Variants in SLC2A13 observed in about 807,000 individuals in gnomAD.
SLC2A13 encodes the protein solute carrier family 2 member 13, also known as proton myo-inositol cotransporter.
SLC2A13 carries 32 observed loss-of-function variants against 64.4 expected under a neutral mutation model. That is an observed-to-expected ratio of 0.50 (90% confidence interval 0.37 to 0.67). SLC2A13 has a LOEUF of 0.67. Among genes scored for constraint, SLC2A13 ranks in the 30% least tolerant of loss-of-function variants. SLC2A13 has a pLI of 0.00. For synonymous variants in SLC2A13, 338 were observed against 327.1 expected (o/e 1.03, Z -0.36); for missense variants, 743 against 829.2 (o/e 0.90, Z 1.28).
At chr12:39,951,622 T>C (rs1262518997) in intron 3 of SLC2A13, among the ~76,000 whole-genome samples, 1 of 152,224 alleles carries the variant, frequency 6.6e-6, no homozygotes, top group Non-Finnish European at 1.5e-5. Context: ...TTATGGGTAC[T>C]AGAAGACCTA....
intron 1 of SLC2A13, among the ~76,000 whole-genome samples, chr12:40,104,903 A>G (rs1309777783): frequency 1.3e-5 from 2 of 152,234 alleles, no homozygotes; most frequent in African/African-American, 2.4e-5. Flanking sequence ...AAGCTCAAGA[A>G]GCAGCATCAG....
In SLC2A13 at chr12:39,981,208, C is replaced by T. The variant is rs1409244169; in HGVS notation, c.926-29843G>A. Reference sequence around the variant, plus strand: ...AGGGAAATTTATAGCACTAAATGCCCACAAGAGAAAGCAGGAAAGATCCAA... The same window carrying T: ...AGGGAAATTTATAGCACTAAATGCCTACAAGAGAAAGCAGGAAAGATCCAA... On this transcript the variant is annotated intron_variant, in intron 3 of 9. Transcript: ENST00000280871. Among the ~76,000 whole-genome samples, 14 of 148,946 alleles carry T rather than the reference C, an allele frequency of 9.4e-5. No individual in the cohort carries two copies. The East Asian group carries it at 2.6e-3, about 27-fold the overall frequency.
intron 4 of SLC2A13, chr12:39,950,832 C>T: frequency 5.8e-6 from 1 of 171,880 alleles, no homozygotes; most frequent in Admixed American, 6.3e-5. Context: ...CTACTAATGT[C>T]CTTATCACAT....
At chr12:40,055,941 T>C (rs753539361) in intron 1 of SLC2A13, among the ~76,000 whole-genome samples, 86 of 151,232 alleles carry the variant, frequency 5.7e-4, no homozygotes, top group Middle Eastern at 3.4e-3. Flanking sequence ...ATTAAGCTGC[T>C]TGCATAACAA....
At chr12:40,022,594 T>G (rs1479341966) in intron 3 of SLC2A13, among the ~76,000 whole-genome samples, 1 of 152,228 alleles carries the variant, frequency 6.6e-6, no homozygotes, top group Non-Finnish European at 1.5e-5. Context: ...CTTAGCACTT[T>G]GGGAGGCCAA....
chr12:39,955,884 G>T (rs1012792820), intron 3 of SLC2A13, among the ~76,000 whole-genome samples: 1 of 152,146 alleles, frequency 6.6e-6, no homozygotes, highest in Non-Finnish European at 1.5e-5. Flanking sequence ...TCTGGAGGGG[G>T]TGTGGGACAG....
Position 39,759,773 on chromosome 12 carries a change from G to T in SLC2A13, c.*253C>A, listed in dbSNP as rs1260867814. Reference sequence around the variant, plus strand: ...CAATATTCATTTTAGACTATTTCAGGAAGGCATTACACACATTTGCTTAAG... The same window carrying T: ...CAATATTCATTTTAGACTATTTCAGTAAGGCATTACACACATTTGCTTAAG... On this transcript the variant is annotated 3_prime_UTR_variant, in exon 10 of 10. Transcript: ENST00000280871. 18 of 419,828 alleles carry T rather than the reference G, an allele frequency of 4.3e-5. No individual in the cohort carries two copies. The highest frequency in any genetic ancestry group is 6.8e-5 in the Non-Finnish European group (16 of 234,754). 26.0% of individuals were successfully genotyped at this position (419,828 alleles called of 1,614,324 possible). A position where few individuals can be genotyped will look rare whatever the true frequency, so the allele number is the denominator to read the frequency against.
intron 3 of SLC2A13, among the ~76,000 whole-genome samples, chr12:40,024,401 A>C (rs1436322816): frequency 6.6e-6 from 1 of 152,130 alleles, no homozygotes; most frequent in Non-Finnish European, 1.5e-5. Context: ...AATCTGGCCC[A>C]CTTAATAAAA....
chr12:39,906,596 G>C (rs1036796133), intron 4 of SLC2A13, among the ~76,000 whole-genome samples: 5 of 152,238 alleles, frequency 3.3e-5, no homozygotes, highest in African/African-American at 1.2e-4. Flanking sequence ...GTTAAACCTA[G>C]TTTTCTGTCC....
chr12:40,073,214 C>T (rs17442339), intron 1 of SLC2A13, among the ~76,000 whole-genome samples: 53,295 of 151,684 alleles, frequency 0.35, 9,512 homozygotes, highest in Non-Finnish European at 0.38. Flanking sequence ...TAAGCATAAA[C>T]ATATACACAC....
chr12:40,075,261 G>T (rs1016974158), intron 1 of SLC2A13, among the ~76,000 whole-genome samples: 1 of 152,118 alleles, frequency 6.6e-6, no homozygotes, highest in Non-Finnish European at 1.5e-5. Flanking sequence ...TAAAATCTAA[G>T]ATTTGTCCAC....
At chr12:40,036,341 A>C (rs1301585956) in intron 2 of SLC2A13, among the ~76,000 whole-genome samples, 1 of 152,232 alleles carries the variant, frequency 6.6e-6, no homozygotes, top group Non-Finnish European at 1.5e-5. Context: ...ATTTATATAC[A>C]AGAAAATGCA....
At position 39,830,086 on chromosome 12, in the gene SLC2A13, T is replaced by C; in HGVS notation, c.1445+17A>G. The C allele has an allele frequency of 4.3e-6, 7 of 1,613,280 alleles. No homozygotes were observed. Among genetic ancestry groups the C allele is most frequent in the Non-Finnish European group, 5.1e-6 (6 of 1,179,544 alleles). On this transcript the variant is annotated intron_variant, in intron 7 of 9. Coordinates refer to ENST00000280871, the MANE Select transcript of SLC2A13 (RefSeq NM_052885.4). ...GAAATATTATTATATATTCGTATGG[T>C]AAAATGAGTGATATACCTGCCCCAG...
intron 3 of SLC2A13, among the ~76,000 whole-genome samples, chr12:39,969,014 GTTCAA>G (rs1489886120): frequency 6.6e-6 from 1 of 151,566 alleles, no homozygotes; most frequent in Non-Finnish European, 1.5e-5. Context: ...TGTTCTCATT[GTTCAA>G]TTCCCATCTA....
intron 7 of SLC2A13, among the ~76,000 whole-genome samples, chr12:39,787,976 T>C (rs9645805): frequency 0.95 from 145,021 of 152,216 alleles, 69,158 homozygotes; most frequent in East Asian, 0.99. Flanking sequence ...AATTCTATCA[T>C]AGAAATTTGG....
At chr12:39,783,712 GTTGT>G (rs1010531501) in intron 7 of SLC2A13, among the ~76,000 whole-genome samples, 12 of 152,104 alleles carry the variant, frequency 7.9e-5, no homozygotes, top group Admixed American at 2.6e-4. Flanking sequence ...CTTTTTGGGG[GTTGT>G]TTGTTTTCTT....
intron 1 of SLC2A13, among the ~76,000 whole-genome samples, chr12:40,077,835 G>T (rs1938238520): frequency 1.3e-5 from 2 of 152,102 alleles, no homozygotes; most frequent in Admixed American, 6.6e-5. Context: ...CTTTAGCAGT[G>T]TGTGGTAATT....
intron 4 of SLC2A13, among the ~76,000 whole-genome samples, chr12:39,921,856 T>A (rs1945619668): frequency 6.6e-6 from 1 of 152,136 alleles, no homozygotes; most frequent in Admixed American, 6.5e-5. Flanking sequence ...AATCAACTTT[T>A]CAGTATGGTA....
At chr12:39,965,107 G>T (rs980938032) in intron 3 of SLC2A13, among the ~76,000 whole-genome samples, 3 of 152,044 alleles carry the variant, frequency 2.0e-5, no homozygotes, top group Non-Finnish European at 2.9e-5. Flanking sequence ...TAACAGAAAA[G>T]ATGTCAGCTA....
Sources: gnomAD v4.1 joint callset for allele counts (sites outside exome capture counted in the v4.1 genomes callset) on GRCh38, gnomAD v4.1.1 for gene constraint, MANE v1.5 for transcripts, NCBI Gene and HGNC (gene_info 2026-07-23, HGNC 2026-07-21) for gene names.